P4HA1: variants seen among roughly 807,000 people sequenced by gnomAD.
The protein encoded by P4HA1 is prolyl 4-hydroxylase subunit alpha-1.
Under a neutral mutation model 72.8 loss-of-function variants are expected in P4HA1, and 24 were observed. The ratio of observed to expected loss-of-function variants is 0.33; its 90% confidence interval spans 0.24 to 0.46. P4HA1 has a LOEUF of 0.46. Ranked by LOEUF, P4HA1 falls within the 20% of genes least tolerant of loss-of-function variation. The pLI, the probability that P4HA1 is intolerant of heterozygous loss-of-function variation, is 1.00. For missense variants in P4HA1, 446 were observed against 640.6 expected, an observed-to-expected ratio of 0.70 and a Z score of 3.28; for synonymous variants, 201 against 218.8, an observed-to-expected ratio of 0.92 and a Z score of 0.72.
At chr10:73,066,424 T>C (rs1256136803) in intron 5 of P4HA1, among the ~76,000 whole-genome samples, 2 of 152,172 alleles carry the variant, frequency 1.3e-5, no homozygotes, top group East Asian at 3.8e-4. Context: ...GATGGGAATA[T>C]AATCATTTTT....
intron 5 of P4HA1, among the ~76,000 whole-genome samples, chr10:73,068,554 T>C (rs533097377): frequency 6.6e-6 from 1 of 152,290 alleles, no homozygotes; most frequent in East Asian, 1.9e-4. Context: ...GTGTTCTGAA[T>C]AAAAACATTT....
At chr10:73,078,600 ATTTTTTTTTTTTTT>A (rs770821126) in intron 1 of P4HA1, among the ~76,000 whole-genome samples, 2 of 99,700 alleles carry the variant, frequency 2.0e-5, no homozygotes, top group South Asian at 3.6e-4. Context: ...GCAGTAGGTA[ATTTTTTTTTTTTTT>A]TTTTTTTTTT....
chr10:73,096,153 G>A (rs1290581835), intron 1 of P4HA1, among the ~76,000 whole-genome samples: 1 of 152,232 alleles, frequency 6.6e-6, no homozygotes, highest in Non-Finnish European at 1.5e-5. Context: ...AGAAAGCTCG[G>A]CGCCCCGGGC....
rs940058879 is a variant in P4HA1 at position 73,074,075 on chromosome 10, G to C, written c.77-248C>G. 6 of 412,664 alleles carry C rather than the reference G, an allele frequency of 1.5e-5. No individual in the cohort carries two copies. In the East Asian group the frequency reaches 2.9e-4, roughly 20 times the overall value. The allele number at this position is 412,664 out of a possible 1,614,324, so 25.6% of individuals were successfully genotyped here. A position where few individuals can be genotyped will look rare whatever the true frequency, so the allele number is the denominator to read the frequency against. On this transcript the variant is annotated intron_variant, in intron 2 of 14. Coordinates refer to ENST00000394890, the MANE Select transcript of P4HA1 (RefSeq NM_001017962.3). Reference sequence around the variant, plus strand: ...AAGCTTTAGACTGTGCTAGCAAATTGTCTTTATATCTACAAATGTATTTTT... The same window carrying C: ...AAGCTTTAGACTGTGCTAGCAAATTCTCTTTATATCTACAAATGTATTTTT...
At chr10:73,093,574 G>A (rs1019069196) in intron 1 of P4HA1, among the ~76,000 whole-genome samples, 8 of 151,684 alleles carry the variant, frequency 5.3e-5, no homozygotes, top group Non-Finnish European at 2.9e-5. Context: ...GCACGGTGGC[G>A]TGATCACACC....
At chr10:73,095,571 C>T (rs1589638712) in intron 1 of P4HA1, among the ~76,000 whole-genome samples, 1 of 151,716 alleles carries the variant, frequency 6.6e-6, no homozygotes, top group African/African-American at 2.4e-5. Flanking sequence ...AACGCTGCTG[C>T]CACGTCTTTG....
intron 9 of P4HA1, among the ~76,000 whole-genome samples, chr10:73,032,011 T>C (rs1320253590): frequency 2.6e-5 from 4 of 152,164 alleles, no homozygotes; most frequent in Non-Finnish European, 4.4e-5. Context: ...TATATCTCTG[T>C]CACCAAACCC....
In P4HA1 at chr10:73,087,035, T is replaced by C. The variant is rs1231128209; in HGVS notation, c.-33+9731A>G. On this transcript the variant is annotated intron_variant, in intron 1 of 14. Coordinates refer to ENST00000394890, the MANE Select transcript of P4HA1 (RefSeq NM_001017962.3). Reference sequence around the variant, plus strand: ...GGAATGTTGGGTCATATGACAAGTATATATTTACCTTCATAAAAAACTGCC... The same window carrying C: ...GGAATGTTGGGTCATATGACAAGTACATATTTACCTTCATAAAAAACTGCC... 2.0e-5 allele frequency among the ~76,000 whole-genome samples: 3 copies of C among 151,030 alleles called. No homozygotes were observed. The East Asian group carries it at 5.8e-4, about 29-fold the overall frequency.
intron 1 of P4HA1, among the ~76,000 whole-genome samples, chr10:73,093,891 TATATATATATATATATACACAC>T (rs1217555515): frequency 2.4e-5 from 2 of 82,810 alleles, no homozygotes; most frequent in African/African-American, 5.2e-5. Flanking sequence ...TATATATATA[TATATATATATATATATACACAC>T]ACACACACAC....
At chr10:73,052,584 A>G (rs1005580235) in intron 6 of P4HA1, among the ~76,000 whole-genome samples, 1 of 152,212 alleles carries the variant, frequency 6.6e-6, no homozygotes, top group African/African-American at 2.4e-5. Context: ...ACTTGAACCA[A>G]TATCTTGATT....
intron 10 of P4HA1, among the ~76,000 whole-genome samples, chr10:73,027,855 G>GGGGAGGGAGGGAGAGA (rs1840325654): frequency 8.0e-6 from 1 of 125,448 alleles, no homozygotes; most frequent in Non-Finnish European, 1.7e-5. Context: ...GGAGAGAGGA[G>GGGGAGGGAGGGAGAGA]GGGAGGGAGG....
At chr10:73,015,310 T>C (rs2133036792) in intron 11 of P4HA1, among the ~76,000 whole-genome samples, 1 of 152,316 alleles carries the variant, frequency 6.6e-6, no homozygotes, top group East Asian at 1.9e-4. Context: ...TTATTTGTAA[T>C]AGCCAAAAAC....
At chr10:73,078,600 ATTTTTTTTT>A (rs770821126) in intron 1 of P4HA1, among the ~76,000 whole-genome samples, 5 of 99,700 alleles carry the variant, frequency 5.0e-5, no homozygotes, top group South Asian at 3.6e-4. Context: ...GCAGTAGGTA[ATTTTTTTTT>A]TTTTTTTTTT....
intron 10 of P4HA1, among the ~76,000 whole-genome samples, chr10:73,022,767 T>TA (rs1840166585): frequency 6.6e-6 from 1 of 152,182 alleles, no homozygotes; most frequent in Non-Finnish European, 1.5e-5. Context: ...GACGAATGGC[T>TA]AACTAGAACA....
chr10:73,040,585 C>G (rs908159298), intron 9 of P4HA1, among the ~76,000 whole-genome samples: 1 of 151,268 alleles, frequency 6.6e-6, no homozygotes, highest in Non-Finnish European at 1.5e-5. Context: ...AAGCCATTCT[C>G]CTGCCTCAGC....
chr10:73,043,933 G>A (rs1441430981), intron 9 of P4HA1: 2 of 1,612,986 alleles, frequency 1.2e-6, no homozygotes, highest in Non-Finnish European at 8.5e-7. Context: ...CCAGTCTCAG[G>A]GTCATGTACT....
chr10:73,057,619 A>G (rs1396904192), intron 5 of P4HA1, among the ~76,000 whole-genome samples: 1 of 152,234 alleles, frequency 6.6e-6, no homozygotes. Context: ...TAATGGTAGA[A>G]AAATTTCCAA....
chr10:73,081,876 C>T (rs1157660098), intron 1 of P4HA1, among the ~76,000 whole-genome samples: 1 of 152,094 alleles, frequency 6.6e-6, no homozygotes, highest in Admixed American at 6.6e-5. Flanking sequence ...CTACTATGGG[C>T]GTGGTAGCGT....
At chr10:73,071,137 C>CA (rs1841550950) in intron 4 of P4HA1, among the ~76,000 whole-genome samples, 1 of 150,720 alleles carries the variant, frequency 6.6e-6, no homozygotes, top group Non-Finnish European at 1.5e-5. Flanking sequence ...AGTGAGCCAC[C>CA]ATTGTGCCAC....
Sources: gnomAD v4.1 joint callset for allele counts (sites outside exome capture counted in the v4.1 genomes callset) on GRCh38, gnomAD v4.1.1 for gene constraint, MANE v1.5 for transcripts, NCBI Gene and HGNC (gene_info 2026-07-23, HGNC 2026-07-21) for gene names.